Variants in CYB5R1 observed in about 807,000 individuals in gnomAD.
CYB5R1 encodes the protein cytochrome b5 reductase 1, also known as NADH-cytochrome b5 reductase 1.
In CYB5R1, 32 loss-of-function variants were observed where a neutral mutation model predicts 37.4. That is an observed-to-expected ratio of 0.86 (90% CI 0.65 to 1.15). The LOEUF (loss-of-function observed/expected upper bound fraction) is 1.15, where lower values mean the gene tolerates loss of function less well. CYB5R1 is among the 50% of genes most tolerant of loss of function. The pLI is 0.00. For missense variants in CYB5R1, 345 were observed against 382.5 expected (o/e 0.90, Z 0.82); for synonymous variants, 159 against 155.2 (o/e 1.02, Z -0.18).
In CYB5R1 at chr1:202,966,587, T is replaced by G. The variant is rs914399807; in HGVS notation, c.179A>C (p.Asn60Thr). Residue 60 changes from asparagine to threonine, a missense_variant, in exon 3 of 9, where the codon AAC becomes ACC. Transcript: ENST00000367249. ...CAGGGCAAAGCGGAACCTCTTGGTG[T>G]TGTGGCTCACAGTCTGGAGGGTGGA... The part of the protein sequence containing the change: ...RLLDKTTVSH[N>T]TKRFRFALPT... The G allele has an allele frequency of 7.4e-6, 12 of 1,614,056 alleles. No individual in the cohort carries two copies. The highest frequency in any genetic ancestry group is 2.2e-5 in the South Asian group (2 of 91,090).
chr1:202,966,731 C>T lies in CYB5R1; in HGVS notation c.165+18G>A. 2 of 1,613,304 alleles carry T rather than the reference C, an allele frequency of 1.2e-6. No individual in the cohort carries two copies. The highest frequency in any genetic ancestry group is 1.7e-6 in the Non-Finnish European group (2 of 1,179,436). On this transcript the variant is annotated intron_variant, in intron 2 of 8. Transcript: ENST00000367249. ...TCTGGTCCCCTCCTTCACCCTGGCCCTTTCTTCCCCAACTTACCGTCTTGT... is the reference window on the plus strand; with the variant it reads ...TCTGGTCCCCTCCTTCACCCTGGCCTTTTCTTCCCCAACTTACCGTCTTGT...
Position 202,963,649 on chromosome 1 carries a change from G to A in CYB5R1, c.638C>T (p.Ala213Val). The A allele has an allele frequency of 1.2e-6, 2 of 1,605,418 alleles. No individual in the cohort carries two copies. Among genetic ancestry groups the A allele is most frequent in the Non-Finnish European group, 1.7e-6 (2 of 1,175,170 alleles). ...EDPTQCFLLF[A>V]NQTEKDIILR... is the part of the protein sequence containing the mutation. The stretch of plus-strand genomic sequence containing the variant: ...GGAGGAAAACAAACCAACCTGGTTG[G>A]CAAAAAGCAGAAAGCACTGGGTTGG... Residue 213 changes from alanine to valine, a missense_variant, in exon 7 of 9, where the codon GCC becomes GTC. Physicochemically the swap from Ala to Val is moderately conservative, Grantham distance 64. Transcript: ENST00000367249.
chr1:202,966,430 G>C (rs1026879726), intron 3 of CYB5R1, 98 bp downstream of exon 3: 9 of 1,379,950 alleles, frequency 6.5e-6, no homozygotes, highest in Admixed American at 1.8e-5. Flanking sequence ...ATGGTGTGTG[G>C]AGCAAACCGG....
At position 202,966,002 on chromosome 1, in the gene CYB5R1, C is replaced by G. The variant is rs550820543; in HGVS notation, c.239-9G>C. ...GAGGTAGATATGTTTGCCTGGGGAC[C>G]GTGCAGAGAGCTACATAAGGGTTGT... On this transcript the variant is annotated splice_polypyrimidine_tract_variant and intron_variant, in intron 3 of 8. Coordinates refer to ENST00000367249, the MANE Select transcript of CYB5R1 (RefSeq NM_016243.3). 2 of 1,582,060 alleles carry G rather than the reference C, an allele frequency of 1.3e-6. No individual in the cohort carries two copies. The highest frequency in any genetic ancestry group is 2.2e-5 in the East Asian group (1 of 44,712).
In CYB5R1 at chr1:202,966,750, G is replaced by C; in HGVS notation, c.164C>G (p.Thr55Arg). ...EKYLLRLLDKTTVSHNTKRFR... is the reference protein window; with the variant it reads ...EKYLLRLLDKRTVSHNTKRFR... ...CTGGCCCTTTCTTCCCCAACTTACC[G>C]TCTTGTCTAGCAGTCGTAGCAGGTA... The change falls in exon 2 of 9, where the codon ACG becomes AGG. Residue 55 changes from threonine (T) to arginine (R), a missense_variant and splice_region_variant. Transcript: ENST00000367249. 1 of 1,613,892 alleles carries C rather than the reference G, an allele frequency of 6.2e-7. No individual in the cohort carries two copies. Among genetic ancestry groups the C allele is most frequent in the Non-Finnish European group, 8.5e-7 (1 of 1,179,868 alleles).
rs1221601469 is a variant in CYB5R1 at position 202,965,987 on chromosome 1, T to C, written c.245A>G (p.His82Arg). Residue 82 changes from histidine to arginine, a missense_variant, in exon 4 of 9, where the codon CAT (histidine) becomes CGT (arginine). Transcript: ENST00000367249. ...HHTLGLPVGK[H>R]IYLSTRIDGS... The stretch of plus-strand genomic sequence containing the variant: ...ATCAATTCGGGTGGAGAGGTAGATA[T>C]GTTTGCCTGGGGACCGTGCAGAGAG... 5.6e-6 allele frequency: 9 copies of C among 1,611,610 alleles called. 1 individual carries two copies. The highest frequency in any genetic ancestry group is 7.6e-6 in the Non-Finnish European group (9 of 1,177,880).
rs371120169 is a variant in CYB5R1 at position 202,964,626 on chromosome 1, A to G, written c.545T>C (p.Ile182Thr). 9 of 1,613,224 alleles carry G rather than the reference A, an allele frequency of 5.6e-6. No homozygotes were observed. The highest frequency in any genetic ancestry group is 6.8e-6 in the Non-Finnish European group (8 of 1,179,414). The part of the protein sequence containing the change: ...EPRVAKKLGM[I>T]AGGTGITPML... ...GTGTAATGCACCTGTCCCGCCGGCAATCATTCCCAGTTTCTTCGCCACTCG... is the reference window on the plus strand; with the variant it reads ...GTGTAATGCACCTGTCCCGCCGGCAGTCATTCCCAGTTTCTTCGCCACTCG... Residue 182 changes from isoleucine (I) to threonine (T), a missense_variant, in exon 6 of 9, where the codon ATT becomes ACT. By Grantham distance (89) the Ile-to-Thr change is moderately conservative. Coordinates refer to ENST00000367249, the MANE Select transcript of CYB5R1 (RefSeq NM_016243.3).
chr1:202,963,334 G>C, intron 7 of CYB5R1, 169 bp from the exon 8 acceptor site: 1 of 589,672 alleles, frequency 1.7e-6, no homozygotes, highest in South Asian at 2.2e-5. Flanking sequence ...GAGGAGAAGA[G>C]GGGAACAGCC....
At position 202,965,924 on chromosome 1, in the gene CYB5R1, C is replaced by A; in HGVS notation, c.308G>T (p.Ser103Ile). 1 of 1,614,062 alleles carries A rather than the reference C, an allele frequency of 6.2e-7. No individual in the cohort carries two copies. The highest frequency in any genetic ancestry group is 1.1e-5 in the South Asian group (1 of 91,078). ...ATCCACATAGCCTTGATCCTCATCA[C>A]TGGTGACAGGAGTGTATGGCCTGAT... Reference protein sequence around the residue: ...LVIRPYTPVTSDEDQGYVDLV... With the variant: ...LVIRPYTPVTIDEDQGYVDLV... The change falls in exon 4 of 9, where the codon AGT (serine) becomes ATT (isoleucine). Residue 103 changes from serine to isoleucine, a missense_variant. Physicochemically the swap from Ser to Ile is moderately radical, Grantham distance 142. Transcript: ENST00000367249.
intron 8 of CYB5R1, 169 bp downstream of exon 8, chr1:202,962,897 C>T: frequency 2.1e-6 from 2 of 960,018 alleles, no homozygotes; most frequent in Non-Finnish European, 3.3e-6. Context: ...ACCTGGTAAA[C>T]AGGAACCCAA....
intron 6 of CYB5R1, 92 bp from the exon 7 acceptor site, chr1:202,963,819 G>T (rs1236132980): frequency 2.5e-5 from 18 of 723,486 alleles, no homozygotes; most frequent in Non-Finnish European, 3.7e-5. Context: ...TCTTCATTCT[G>T]CTCATTCACC....
chr1:202,963,579 A>G, intron 7 of CYB5R1, 63 bp downstream of exon 7: 1 of 1,269,810 alleles, frequency 7.9e-7, no homozygotes, highest in Non-Finnish European at 1.1e-6. Flanking sequence ...CATCCATACC[A>G]CGTCTCTCAG....
At position 202,966,926 on chromosome 1, in the gene CYB5R1, C is replaced by T. The variant is rs1284687423; in HGVS notation, c.16-28G>A. On this transcript the variant is annotated intron_variant, in intron 1 of 8. Transcript: ENST00000367249. Reference sequence around the variant, plus strand: ...GTGGGTAGAGGAGGCAGCGTGACCGCCAGGCTGGGTAAGAGCCCGGGGCTT... The same window carrying T: ...GTGGGTAGAGGAGGCAGCGTGACCGTCAGGCTGGGTAAGAGCCCGGGGCTT... 4.4e-6 allele frequency: 7 copies of T among 1,577,162 alleles called. No homozygotes were observed. The African/African-American group carries it at 8.1e-5, about 18-fold the overall frequency.
At chr1:202,964,514 C>T (rs1558020428) in intron 6 of CYB5R1, 98 bp downstream of exon 6, 1 of 931,346 alleles carries the variant, frequency 1.1e-6, no homozygotes, top group Non-Finnish European at 1.8e-6. Context: ...TGATGAACAA[C>T]AGCTTGGCTA....
chr1:202,962,987 A>G, intron 8 of CYB5R1, 79 bp downstream of exon 8: 1 of 1,336,510 alleles, frequency 7.5e-7, no homozygotes, highest in Non-Finnish European at 1.1e-6. Context: ...GATTTCAATG[A>G]AGCCAGAATT....
chr1:202,962,985 T>A lies in CYB5R1; in HGVS notation c.745+81A>T, dbSNP rs140109989. 846 of 1,329,976 alleles carry A rather than the reference T, an allele frequency of 6.4e-4. 4 individuals carry two copies. In the African/African-American group the frequency reaches 0.011, roughly 18 times the overall value. 82.4% of individuals were successfully genotyped at this position (1,329,976 alleles called of 1,614,324 possible). A position where few individuals can be genotyped will look rare whatever the true frequency, so the allele number is the denominator to read the frequency against. Reference sequence around the variant, plus strand: ...CAGTGTGAGGCAAGGTTGATTTCAATGAAGCCAGAATTCACAAAGGGGCAA... The same window carrying A: ...CAGTGTGAGGCAAGGTTGATTTCAAAGAAGCCAGAATTCACAAAGGGGCAA... On this transcript the variant is annotated intron_variant, in intron 8 of 8. Transcript: ENST00000367249.
In CYB5R1 at chr1:202,964,599, C is replaced by A. The variant is rs1255425813; in HGVS notation, c.559+13G>T. 1 of 1,599,560 alleles carries A rather than the reference C, an allele frequency of 6.3e-7. No homozygotes were observed. The highest frequency in any genetic ancestry group is 1.7e-5 in the Admixed American group (1 of 59,994). ...AACAATGGTGGGAGAGAAAGGCCCT[C>A]AGTGTAATGCACCTGTCCCGCCGGC... On this transcript the variant is annotated intron_variant, in intron 6 of 8. Transcript: ENST00000367249.
Position 202,963,669 on chromosome 1 carries a change from G to A in CYB5R1, c.618C>T (p.Thr206=), listed in dbSNP as rs755548391. Residue 206 remains threonine (T), a synonymous_variant, in exon 7 of 9, where the codon ACC becomes ACT. Transcript: ENST00000367249. ...GGTTGGCAAAAAGCAGAAAGCACTG[G>A]GTTGGATCTTCAGGGACTTTCAGGA... is the stretch of plus-strand genomic sequence containing the variant. ...RAILKVPEDP[T]QCFLLFANQT... 6.2e-7 allele frequency: 1 copy of A among 1,610,052 alleles called. No individual in the cohort carries two copies. The highest frequency in any genetic ancestry group is 2.2e-5 in the East Asian group (1 of 44,770).
intron 7 of CYB5R1, 170 bp from the exon 8 acceptor site, chr1:202,963,335 G>A: frequency 1.6e-6 from 1 of 607,470 alleles, no homozygotes; most frequent in Non-Finnish European, 2.9e-6. Context: ...AGGAGAAGAG[G>A]GGAACAGCCT....
Sources: allele counts gnomAD v4.1 joint callset, GRCh38; gene constraint gnomAD v4.1.1; transcripts MANE v1.5; gene names NCBI Gene and HGNC (gene_info 2026-07-23, HGNC 2026-07-21).